LRMDA: variants seen among roughly 807,000 people sequenced by gnomAD.
LRMDA encodes leucine rich melanocyte differentiation associated.
LRMDA carries 18 observed loss-of-function variants against 29.8 expected under a neutral mutation model. That is an observed-to-expected ratio of 0.60 (90% confidence interval 0.42 to 0.90). LRMDA has a LOEUF of 0.90. Among genes scored for constraint, LRMDA ranks in the 40% least tolerant of loss-of-function variants. The probability of loss-of-function intolerance (pLI) is 0.00; values close to 1 mark genes in which losing one functional copy is unlikely to be tolerated. For missense variants in LRMDA, 273 were observed against 273.9 expected, an observed-to-expected ratio of 1.00 and a Z score of 0.02; for synonymous variants, 125 against 109.4, an observed-to-expected ratio of 1.14 and a Z score of -0.89.
At chr10:75,747,874 A>G (rs1842907666) in intron 2 of LRMDA, among the ~76,000 whole-genome samples, 1 of 152,164 alleles carries the variant, frequency 6.6e-6, no homozygotes, top group Non-Finnish European at 1.5e-5. Flanking sequence ...TAAAAATTAA[A>G]TCAATTTTTT....
At chr10:76,049,105 C>T (rs558507429) in intron 4 of LRMDA, among the ~76,000 whole-genome samples, 1 of 152,222 alleles carries the variant, frequency 6.6e-6, no homozygotes, top group South Asian at 2.1e-4. Context: ...AATCCAAGTG[C>T]TGGTTGTGGG....
At chr10:76,230,518 C>T (rs1852038288) in intron 5 of LRMDA, among the ~76,000 whole-genome samples, 1 of 143,992 alleles carries the variant, frequency 6.9e-6, no homozygotes, top group Non-Finnish European at 1.5e-5. Flanking sequence ...TCAATTAAAA[C>T]AACTAGCATG....
At chr10:75,438,682 C>CT (rs1171226595) in intron 2 of LRMDA, among the ~76,000 whole-genome samples, 188 bp downstream of exon 2, 1 of 152,186 alleles carries the variant, frequency 6.6e-6, no homozygotes, top group African/African-American at 2.4e-5. Flanking sequence ...CCTTGGCTGC[C>CT]TTTTTTTGTG....
chr10:76,301,888 A>G (rs1218696137), intron 5 of LRMDA, among the ~76,000 whole-genome samples: 1 of 152,192 alleles, frequency 6.6e-6, no homozygotes, highest in South Asian at 2.1e-4. Flanking sequence ...GTAATTGTTC[A>G]TGTTGTTGAG....
In LRMDA at chr10:75,508,261, T is replaced by A. The variant is rs1001600995; in HGVS notation, c.131+69767T>A. Among the ~76,000 whole-genome samples, 6 of 39,334 alleles carry A rather than the reference T, an allele frequency of 1.5e-4. No individual in the cohort carries two copies. In the South Asian group the frequency reaches 7.0e-3, roughly 46 times the overall value. The allele number at this position is 39,334 out of a possible 152,430, so 25.8% of individuals were successfully genotyped here. A position where few individuals can be genotyped will look rare whatever the true frequency, so the allele number is the denominator to read the frequency against. On this transcript the variant is annotated intron_variant, in intron 2 of 6. Transcript: ENST00000611255. ...AAGAAGAGGCAAATTATGGTGGTGTTTTTTTCCCCCCCTCTCCCTTCCACC... is the reference window on the plus strand; with the variant it reads ...AAGAAGAGGCAAATTATGGTGGTGTATTTTTCCCCCCCTCTCCCTTCCACC...
chr10:75,724,352 AT>A (rs1159159810), intron 2 of LRMDA, among the ~76,000 whole-genome samples: 1 of 152,228 alleles, frequency 6.6e-6, no homozygotes, highest in African/African-American at 2.4e-5. Flanking sequence ...CCATTAACAA[AT>A]TTGTATAGAG....
chr10:75,538,491 A>G (rs1307795750), intron 2 of LRMDA, among the ~76,000 whole-genome samples: 1 of 152,190 alleles, frequency 6.6e-6, no homozygotes, highest in African/African-American at 2.4e-5. Flanking sequence ...CTCTTATGTA[A>G]TCTTCACCCG....
At chr10:76,188,443 T>G (rs1005126879) in intron 5 of LRMDA, among the ~76,000 whole-genome samples, 1 of 152,168 alleles carries the variant, frequency 6.6e-6, no homozygotes, top group African/African-American at 2.4e-5. Context: ...AGACCCTTCT[T>G]GTTGTGTTGG....
chr10:75,564,128 C>G lies in LRMDA; in HGVS notation c.131+125634C>G, dbSNP rs545836431. Among the ~76,000 whole-genome samples, 49 of 152,332 alleles carry G rather than the reference C, an allele frequency of 3.2e-4. No homozygotes were observed. In the South Asian group the frequency reaches 9.7e-3, roughly 30 times the overall value. On this transcript the variant is annotated intron_variant, in intron 2 of 6. Transcript: ENST00000611255. ...GTCTTTTTGTTTGTCTGTGCCCTGC[C>G]CCTAGAGGTGGAGCCTACAGAGGCA...
At chr10:76,041,298 C>T (rs1211545802) in intron 3 of LRMDA, among the ~76,000 whole-genome samples, 1 of 152,176 alleles carries the variant, frequency 6.6e-6, no homozygotes, top group African/African-American at 2.4e-5. Flanking sequence ...CCTCATGTTC[C>T]AGTGTTTTAA....
At chr10:76,222,215 A>G (rs1851856226) in intron 5 of LRMDA, among the ~76,000 whole-genome samples, 1 of 152,204 alleles carries the variant, frequency 6.6e-6, no homozygotes, top group South Asian at 2.1e-4. Flanking sequence ...ATGGGCAAGG[A>G]CTTCATGTCT....
At chr10:76,025,113 G>A (rs1848040456) in intron 2 of LRMDA, among the ~76,000 whole-genome samples, 2 of 151,992 alleles carry the variant, frequency 1.3e-5, no homozygotes, top group African/African-American at 4.8e-5. Context: ...GTGCATGTGT[G>A]GTTTTGTAAA....
chr10:75,750,308 C>G (rs1035928457), intron 2 of LRMDA, among the ~76,000 whole-genome samples: 2 of 151,366 alleles, frequency 1.3e-5, no homozygotes. Context: ...CTGCCCCCCA[C>G]CTCCCTCCCG....
intron 6 of LRMDA, among the ~76,000 whole-genome samples, chr10:76,505,592 A>T (rs978254596): frequency 6.6e-6 from 1 of 151,842 alleles, no homozygotes; most frequent in Non-Finnish European, 1.5e-5. Context: ...CTCATAGTGA[A>T]TTTTTTCAAT....
At chr10:75,457,518 T>A (rs1161762170) in intron 2 of LRMDA, among the ~76,000 whole-genome samples, 1 of 141,862 alleles carries the variant, frequency 7.0e-6, no homozygotes, top group Non-Finnish European at 1.6e-5. Flanking sequence ...CAACTAAGGC[T>A]GCTGTTGTTT....
intron 2 of LRMDA, among the ~76,000 whole-genome samples, chr10:75,713,629 G>A (rs1294008977): frequency 6.6e-6 from 1 of 152,190 alleles, no homozygotes; most frequent in African/African-American, 2.4e-5. Context: ...AAACTTAAGT[G>A]TGGTGGTTTC....
chr10:76,238,665 G>A (rs542919770), intron 5 of LRMDA, among the ~76,000 whole-genome samples: 7 of 151,978 alleles, frequency 4.6e-5, no homozygotes, highest in African/African-American at 1.7e-4. Flanking sequence ...TAACACAAAG[G>A]GAACACACAG....
intron 5 of LRMDA, among the ~76,000 whole-genome samples, chr10:76,062,656 CTGTGTGTGTGTGTGTGTGTGTGTGTGTG>C (rs376071517): frequency 7.2e-6 from 1 of 139,208 alleles, no homozygotes; most frequent in Non-Finnish European, 1.5e-5. Flanking sequence ...CTTTATCTCT[CTGTGTGTGTGTGTGTGTGTGTGTGTGTG>C]TGTGTGTGTG....
intron 6 of LRMDA, among the ~76,000 whole-genome samples, chr10:76,510,139 C>T (rs765781087): frequency 1.3e-5 from 2 of 152,048 alleles, no homozygotes; most frequent in African/African-American, 2.4e-5. Context: ...GGCACGATCT[C>T]GGCTCACTGC....
Sources: allele counts gnomAD v4.1 joint callset (sites outside exome capture counted in the v4.1 genomes callset), GRCh38; gene constraint gnomAD v4.1.1; transcripts MANE v1.5; gene names NCBI Gene and HGNC (gene_info 2026-07-23, HGNC 2026-07-21).